R3HDM1: variants seen among roughly 807,000 people sequenced by gnomAD.
R3HDM1 encodes R3H domain containing 1.
In R3HDM1, 46 loss-of-function variants were observed where a neutral mutation model predicts 141.1. The observed-to-expected ratio is 0.33, with a 90% CI of 0.26 to 0.42. The LOEUF is 0.42. R3HDM1 is among the 10% of genes least tolerant of loss of function. The pLI is 1.00. For synonymous variants in R3HDM1, 435 were observed against 472.9 expected, an observed-to-expected ratio of 0.92 and a Z score of 1.04; for missense variants, 1,184 against 1,368.3, an observed-to-expected ratio of 0.87 and a Z score of 2.12.
intron 16 of R3HDM1, among the ~76,000 whole-genome samples, chr2:135,646,178 C>G (rs576634365): frequency 6.6e-6 from 1 of 150,938 alleles, no homozygotes; most frequent in African/African-American, 2.4e-5. Context: ...CTCTGTCACC[C>G]CGGCTGGAGT....
chr2:135,660,838 T>C (rs2066603268), intron 18 of R3HDM1, among the ~76,000 whole-genome samples: 2 of 137,936 alleles, frequency 1.4e-5, no homozygotes, highest in Non-Finnish European at 3.1e-5. Flanking sequence ...AGAATGAGAC[T>C]CCACCTCAAA....
intron 4 of R3HDM1, 62 bp downstream of exon 4, chr2:135,616,255 T>C: frequency 6.8e-7 from 1 of 1,469,516 alleles, no homozygotes; most frequent in Non-Finnish European, 9.5e-7. Context: ...TGATGAATCC[T>C]TGTTTTCATA....
chr2:135,552,203 G>A (rs1433062236), intron 1 of R3HDM1, among the ~76,000 whole-genome samples: 5 of 151,242 alleles, frequency 3.3e-5, no homozygotes, highest in Non-Finnish European at 7.4e-5. Context: ...CTTTTTTGGG[G>A]GGTGCGGGGA....
At chr2:135,556,947 C>T (rs1184674254) in intron 1 of R3HDM1, among the ~76,000 whole-genome samples, 2 of 152,094 alleles carry the variant, frequency 1.3e-5, no homozygotes, top group Non-Finnish European at 2.9e-5. Context: ...TCATATTGCT[C>T]TAGCATCCTT....
At chr2:135,541,014 T>C (rs1697360533) in intron 1 of R3HDM1, among the ~76,000 whole-genome samples, 1 of 152,026 alleles carries the variant, frequency 6.6e-6, no homozygotes, top group South Asian at 2.1e-4. Flanking sequence ...TTCTGAGCAG[T>C]AGGTGTCAAC....
chr2:135,565,774 T>TAAAAAAAAA (rs1467313422), intron 1 of R3HDM1: 2 of 152,724 alleles, frequency 1.3e-5, no homozygotes, highest in Non-Finnish European at 2.9e-5. Flanking sequence ...CCTTGTACAA[T>TAAAAAAAAA]AAAAAGCTCT....
intron 3 of R3HDM1, among the ~76,000 whole-genome samples, chr2:135,608,366 AC>A (rs1178024070): frequency 6.6e-6 from 1 of 151,882 alleles, no homozygotes; most frequent in African/African-American, 2.4e-5. Context: ...AAGAATATTG[AC>A]CCTGCTTTGA....
rs777306234 is a variant in R3HDM1, at chr2:135,709,486, G to A, written c.2513G>A (p.Arg838Gln). 7.4e-5 allele frequency: 120 copies of A among 1,613,880 alleles called. No homozygotes were observed. Among genetic ancestry groups the A allele is most frequent in the Admixed American group, 3.5e-4 (21 of 59,976 alleles). Residue 838 changes from arginine (R) to glutamine (Q), a missense_variant, in exon 22 of 27, where the codon CGA (arginine) becomes CAA (glutamine). Physicochemically the swap from Arg to Gln is conservative, Grantham distance 43 (BLOSUM62 1). Around this residue, in one of 5 missense-constraint regions of R3HDM1, gnomAD observed 563 missense variants for 562.0 expected, o/e 1.00. Coordinates refer to ENST00000683871, the MANE Select transcript of R3HDM1 (RefSeq NM_001378107.1). Reference sequence around the variant, plus strand: ...GGATCAGAACAAGTACAATTTCCTCGAACCACTTCACCATGCAGTTCCCAG... The same window carrying A: ...GGATCAGAACAAGTACAATTTCCTCAAACCACTTCACCATGCAGTTCCCAG... ...HPGSEQVQFP[R>Q]TTSPCSSQQL...
intron 1 of R3HDM1, among the ~76,000 whole-genome samples, chr2:135,544,412 T>G (rs1226272607): frequency 6.6e-6 from 1 of 152,238 alleles, no homozygotes; most frequent in East Asian, 1.9e-4. Flanking sequence ...AGTCTCAACA[T>G]GAAAACTTTA....
In R3HDM1 at chr2:135,661,298, A is replaced by G. The variant is rs139502420; in HGVS notation, c.2057A>G (p.His686Arg). Residue 686 changes from histidine (H) to arginine (R), a missense_variant, in exon 19 of 27, where the codon CAC becomes CGC. Physicochemically the swap from His to Arg is conservative, Grantham distance 29. Around this residue, in one of 5 missense-constraint regions of R3HDM1, gnomAD observed 563 missense variants for 562.0 expected, o/e 1.00. Transcript: ENST00000683871. ...CCAGCCTGTTATTGCGCTCCAGGCC[A>G]CTATCACTCCAGCCAACCTCAGTAT... ...QMPACYCAPG[H>R]YHSSQPQYRP... 2.1e-3 allele frequency: 3,336 copies of G among 1,614,086 alleles called. 8 individuals carry two copies. Among genetic ancestry groups the G allele is most frequent in the Admixed American group, 2.5e-3 (148 of 60,018 alleles).
At chr2:135,680,559 C>T (rs1170939685) in intron 21 of R3HDM1, among the ~76,000 whole-genome samples, 3 of 152,240 alleles carry the variant, frequency 2.0e-5, no homozygotes, top group Non-Finnish European at 4.4e-5. Flanking sequence ...CACCTGAGGT[C>T]AGGCATTCAA....
At position 135,645,438 on chromosome 2, in the gene R3HDM1, C is replaced by G; in HGVS notation, c.1534C>G (p.Gln512Glu). The G allele has an allele frequency of 1.2e-6, 2 of 1,613,164 alleles. No homozygotes were observed. The highest frequency in any genetic ancestry group is 1.7e-6 in the Non-Finnish European group (2 of 1,179,128). ...PVVYNPPMTQ[Q>E]PVRSQVPGPP... ...TGTGTATAATCCTCCTATGACTCAA[C>G]AACCAGTTAGATCCCAAGTGCCTGG... The change falls in exon 16 of 27, where the codon CAA becomes GAA. Residue 512 changes from glutamine to glutamate, a missense_variant. Coordinates refer to ENST00000683871, the MANE Select transcript of R3HDM1 (RefSeq NM_001378107.1).
chr2:135,583,839 T>C (rs1217749513), intron 1 of R3HDM1: 1 of 985,456 alleles, frequency 1.0e-6, no homozygotes, highest in South Asian at 4.7e-5. Flanking sequence ...AGTAATTCGA[T>C]TTAGATAATT....
chr2:135,665,412 G>C (rs1258427834), intron 19 of R3HDM1: 1 of 531,988 alleles, frequency 1.9e-6, no homozygotes, highest in South Asian at 1.4e-5. Context: ...TGTTGGATTC[G>C]GGGCCGTAGC....
chr2:135,630,643 AAGCAGGGGCT>A (rs2062617512), intron 7 of R3HDM1, among the ~76,000 whole-genome samples: 1 of 152,182 alleles, frequency 6.6e-6, no homozygotes, highest in Non-Finnish European at 1.5e-5. Flanking sequence ...CAGGTGACCA[AAGCAGGGGCT>A]ACCAGTTCTT....
intron 18 of R3HDM1, among the ~76,000 whole-genome samples, chr2:135,660,709 G>A (rs768479245): frequency 6.6e-5 from 10 of 151,894 alleles, no homozygotes; most frequent in African/African-American, 2.4e-4. Flanking sequence ...AGCTGGGCAT[G>A]GTGGCACATG....
intron 21 of R3HDM1, among the ~76,000 whole-genome samples, chr2:135,684,549 A>T (rs1031566551): frequency 6.6e-6 from 1 of 152,182 alleles, no homozygotes; most frequent in Non-Finnish European, 1.5e-5. Context: ...TGCTGTTAAT[A>T]TAAGTGAAGC....
intron 1 of R3HDM1, among the ~76,000 whole-genome samples, chr2:135,548,238 G>A (rs529330568): frequency 6.6e-5 from 10 of 151,950 alleles, no homozygotes; most frequent in Admixed American, 4.6e-4. Context: ...TTTTCCAAAC[G>A]TACACAAAAT....
chr2:135,564,565 C>T (rs937624377), intron 1 of R3HDM1, among the ~76,000 whole-genome samples: 15 of 152,160 alleles, frequency 9.9e-5, no homozygotes, highest in Non-Finnish European at 2.1e-4. Context: ...GTGATCCACC[C>T]GGCCTCTGCC....
Sources: gnomAD v4.1 joint callset for allele counts (sites outside exome capture counted in the v4.1 genomes callset) on GRCh38, gnomAD v4.1.1 for gene constraint, gnomAD v4.1.1 regional missense constraint, MANE v1.5 for transcripts, NCBI Gene and HGNC (gene_info 2026-07-23, HGNC 2026-07-21) for gene names.